The following INPP5A variants were observed in gnomAD, a reference collection of about 807,000 sequenced individuals.
The protein encoded by INPP5A is inositol polyphosphate-5-phosphatase A.
Under a neutral mutation model 65.2 loss-of-function variants are expected in INPP5A, and 14 were observed. The ratio of observed to expected loss-of-function variants is 0.21; its 90% CI spans 0.14 to 0.34. The LOEUF is 0.34. Ranked by LOEUF, INPP5A falls within the 10% of genes least tolerant of loss-of-function variation. The probability of loss-of-function intolerance (pLI) is 1.00; values close to 1 mark genes in which losing one functional copy is unlikely to be tolerated. For missense variants in INPP5A, 431 were observed against 545.6 expected, an observed-to-expected ratio of 0.79 and a Z score of 2.09; for synonymous variants, 207 against 208.3, an observed-to-expected ratio of 0.99 and a Z score of 0.05.
chr10:132,685,995 A>G (rs2073109603), intron 4 of INPP5A, among the ~76,000 whole-genome samples: 1 of 152,210 alleles, frequency 6.6e-6, no homozygotes, highest in South Asian at 2.1e-4. Flanking sequence ...CTGAGCCCCC[A>G]TGGTACGCAG....
In INPP5A at chr10:132,644,303, CTGCTG is replaced by C. The variant is rs973852339; in HGVS notation, c.118-1564_118-1560del. 2.0e-5 allele frequency among the ~76,000 whole-genome samples: 3 copies of C among 152,236 alleles called. No individual in the cohort carries two copies. The highest frequency in any genetic ancestry group is 4.4e-5 in the Non-Finnish European group (3 of 68,028). ...ACTCAGGCACGGCCGCCCTTGTCTC[CTGCTG>C]CCGCTGCCACCTGCAGCACAGACGG... is the stretch of plus-strand genomic sequence containing the variant. On this transcript the variant is annotated intron_variant, in intron 2 of 15. Transcript: ENST00000368594. This position sits in a 1 kb window ranked among gnomAD's most constrained non-coding sequence, Gnocchi z 6.5.
At position 132,717,441 on chromosome 10, in the gene INPP5A, G is replaced by C. The variant is rs903916243; in HGVS notation, c.647+6985G>C. ...GCAGCCTGGCTGCCCCAGGCACTTT[G>C]GGGGCTCTGCTAGCCCTGAGGCTGA... On this transcript the variant is annotated intron_variant, in intron 8 of 15. Transcript: ENST00000368594. Among the ~76,000 whole-genome samples the C allele has an allele frequency of 2.8e-4, 43 of 151,646 alleles. 1 individual carries two copies. Among genetic ancestry groups the C allele is most frequent in the Non-Finnish European group, 4.6e-4 (31 of 68,024 alleles).
chr10:132,565,406 G>A (rs953886993), intron 1 of INPP5A, among the ~76,000 whole-genome samples: 1 of 152,208 alleles, frequency 6.6e-6, no homozygotes, highest in African/African-American at 2.4e-5. Flanking sequence ...TAAGGTATTT[G>A]GAGTTTATGG....
At chr10:132,620,033 C>A (rs1217738781) in intron 2 of INPP5A, among the ~76,000 whole-genome samples, 1 of 152,160 alleles carries the variant, frequency 6.6e-6, no homozygotes, top group Admixed American at 6.6e-5. Flanking sequence ...GTGTCTGGGG[C>A]CCTTTGAGCT....
chr10:132,565,542 T>G (rs1425729787), intron 1 of INPP5A, among the ~76,000 whole-genome samples: 1 of 152,182 alleles, frequency 6.6e-6, no homozygotes, highest in Non-Finnish European at 1.5e-5. Context: ...AGCCTTCCTG[T>G]GTGTGTGTAT....
chr10:132,638,814 C>T (rs1178904216), intron 2 of INPP5A, among the ~76,000 whole-genome samples: 8 of 152,106 alleles, frequency 5.3e-5, no homozygotes, highest in African/African-American at 9.7e-5. Flanking sequence ...GTGATCCACC[C>T]GCCTCGGCCT....
intron 1 of INPP5A, among the ~76,000 whole-genome samples, chr10:132,573,474 T>C (rs2071376154): frequency 9.3e-6 from 1 of 107,292 alleles, no homozygotes; most frequent in Middle Eastern, 5.7e-3. Context: ...GATGTTGGGG[T>C]GTACGTGCCG....
rs1352814218 is a variant in INPP5A at position 132,707,865 on chromosome 10, AC to A, written c.475-446del. The stretch of plus-strand genomic sequence containing the variant: ...GGTGGGTGGTGGGGATCAGTGAGAG[AC>A]CACACACACTGTTGGGGTGGGCAGG... On this transcript the variant is annotated intron_variant, in intron 6 of 15. Transcript: ENST00000368594. This position sits in a 1 kb window ranked among gnomAD's most constrained non-coding sequence, Gnocchi z 5.5. Among the ~76,000 whole-genome samples the A allele has an allele frequency of 6.6e-6, 1 of 151,826 alleles. No homozygotes were observed. Among genetic ancestry groups the A allele is most frequent in the Non-Finnish European group, 1.5e-5 (1 of 67,972 alleles).
At chr10:132,610,351 C>T (rs2071927159) in intron 2 of INPP5A, among the ~76,000 whole-genome samples, 1 of 151,694 alleles carries the variant, frequency 6.6e-6, no homozygotes, top group Admixed American at 6.6e-5. Context: ...CTGTGGAGCC[C>T]AGTGATGGGG....
intron 7 of INPP5A, among the ~76,000 whole-genome samples, chr10:132,708,968 T>C (rs1845587632): frequency 6.6e-6 from 1 of 152,090 alleles, no homozygotes; most frequent in South Asian, 2.1e-4. Context: ...TTCATTTTCT[T>C]TTCATGGATT....
chr10:132,726,977 T>G (rs1374431806), intron 9 of INPP5A, 72 bp downstream of exon 9: 1 of 1,102,200 alleles, frequency 9.1e-7, no homozygotes, highest in African/African-American at 1.6e-5. Context: ...GGAAGGAGCG[T>G]GGCCCCTTAC....
At chr10:132,688,843 C>T (rs919366851) in intron 4 of INPP5A, among the ~76,000 whole-genome samples, 1 of 150,282 alleles carries the variant, frequency 6.7e-6, no homozygotes, top group South Asian at 2.1e-4. Flanking sequence ...TGTAAGTGTG[C>T]GTGAGTGCGT....
chr10:132,771,711 CAT>C (rs1846954828), intron 12 of INPP5A, among the ~76,000 whole-genome samples: 1 of 46,498 alleles, frequency 2.2e-5, no homozygotes, highest in Non-Finnish European at 5.4e-5. Flanking sequence ...GCAGCCACCC[CAT>C]GAAGAGTGGG....
At position 132,676,369 on chromosome 10, in the gene INPP5A, C is replaced by T. The variant is rs1023278924; in HGVS notation, c.307-14023C>T. ...TCCCTGTGGCCGAGGCTGCTGTTGT[C>T]TGGCACACCGTGAGTTCTGGGCCAG... On this transcript the variant is annotated intron_variant, in intron 4 of 15. Transcript: ENST00000368594. This position sits in a 1 kb window ranked among gnomAD's most constrained non-coding sequence, Gnocchi z 4.0. Among the ~76,000 whole-genome samples the T allele has an allele frequency of 6.6e-6, 1 of 152,206 alleles. No individual in the cohort carries two copies. The highest frequency in any genetic ancestry group is 1.5e-5 in the Non-Finnish European group (1 of 68,034).
intron 4 of INPP5A, among the ~76,000 whole-genome samples, chr10:132,687,503 G>C (rs566966333): frequency 2.0e-4 from 31 of 152,328 alleles, no homozygotes; most frequent in African/African-American, 6.7e-4. Context: ...TGGCTTTCCC[G>C]TGGAGGCAGA....
chr10:132,620,922 T>A (rs1480770070), intron 2 of INPP5A, among the ~76,000 whole-genome samples: 1 of 152,200 alleles, frequency 6.6e-6, no homozygotes, highest in African/African-American at 2.4e-5. Context: ...AAGGCAAAAA[T>A]TATTTTCAAT....
rs1160356383 is a variant in INPP5A, at chr10:132,782,602, A to G, written c.*573A>G. 1 of 148,452 alleles carries G rather than the reference A, an allele frequency of 6.7e-6. No individual in the cohort carries two copies. The highest frequency in any genetic ancestry group is 1.5e-5 in the Non-Finnish European group (1 of 67,426). The allele number at this position is 148,452 out of a possible 1,614,324, so 9.2% of individuals were successfully genotyped here. Reference sequence around the variant, plus strand: ...AGCTGCTTTCCATTTTTATATATATATAAATATATATAAATATATACTTTT... The same window carrying G: ...AGCTGCTTTCCATTTTTATATATATGTAAATATATATAAATATATACTTTT... On this transcript the variant is annotated 3_prime_UTR_variant, in exon 16 of 16. Coordinates refer to ENST00000368594, the MANE Select transcript of INPP5A (RefSeq NM_005539.5). This position sits in a 1 kb window ranked among gnomAD's most constrained non-coding sequence, Gnocchi z 4.4.
intron 2 of INPP5A, among the ~76,000 whole-genome samples, chr10:132,645,106 T>C (rs1056862207): frequency 5.3e-5 from 8 of 152,172 alleles, no homozygotes; most frequent in Non-Finnish European, 1.2e-4. Flanking sequence ...CACTGCTCTT[T>C]AGCTGTAAAA....
At chr10:132,569,660 ACT>A (rs2071314566) in intron 1 of INPP5A, among the ~76,000 whole-genome samples, 1 of 150,250 alleles carries the variant, frequency 6.7e-6, no homozygotes, top group Non-Finnish European at 1.5e-5. Context: ...CTGGGTCCCC[ACT>A]GTTTTTTTTA....
Sources: gnomAD v4.1 joint callset for allele counts (sites outside exome capture counted in the v4.1 genomes callset) on GRCh38, gnomAD v4.1.1 for gene constraint, Gnocchi (gnomAD v3.1) non-coding constraint, MANE v1.5 for transcripts, NCBI Gene and HGNC (gene_info 2026-07-23, HGNC 2026-07-21) for gene names.